CNTNAP2: variants seen among roughly 807,000 people sequenced by gnomAD.
The protein encoded by CNTNAP2 is contactin-associated protein-like 2.
A neutral mutation model predicts 155.2 loss-of-function variants in CNTNAP2; 98 were observed. The ratio of observed to expected loss-of-function variants is 0.63; its 90% confidence interval spans 0.54 to 0.75. The LOEUF (loss-of-function observed/expected upper bound fraction) is 0.75, where lower values mean the gene tolerates loss of function less well. Ranked by LOEUF, CNTNAP2 falls within the 30% of genes least tolerant of loss-of-function variation. CNTNAP2 has a pLI of 0.00. For missense variants in CNTNAP2, 1,727 were observed against 1,688.1 expected (o/e 1.02, Z -0.40); for synonymous variants, 651 against 631.2 (o/e 1.03, Z -0.47).
intron 15 of CNTNAP2, among the ~76,000 whole-genome samples, chr7:148,057,507 G>T (rs188647409): frequency 9.7e-4 from 148 of 152,298 alleles, no homozygotes; most frequent in Middle Eastern, 6.8e-3. Context: ...TTTAACCTGG[G>T]TTAGAATGCG....
chr7:148,216,702 T>A (rs6464857), intron 18 of CNTNAP2, among the ~76,000 whole-genome samples: 119,659 of 152,030 alleles, frequency 0.79, 47,335 homozygotes, highest in Admixed American at 0.85. Flanking sequence ...ATTTTACTAT[T>A]TTTTTAATTT....
At chr7:147,919,197 C>T (rs1800214568) in intron 14 of CNTNAP2, among the ~76,000 whole-genome samples, 1 of 152,032 alleles carries the variant, frequency 6.6e-6, no homozygotes, top group South Asian at 2.1e-4. Context: ...CAGAAAGGAA[C>T]ACAGCCCTGA....
At chr7:147,500,667 A>G (rs1798793388) in intron 11 of CNTNAP2, among the ~76,000 whole-genome samples, 1 of 152,190 alleles carries the variant, frequency 6.6e-6, no homozygotes, top group Non-Finnish European at 1.5e-5. Context: ...CTCTCAAATG[A>G]CTGTAAAGAT....
chr7:146,988,330 A>C (rs1798151479), intron 3 of CNTNAP2, among the ~76,000 whole-genome samples: 1 of 152,096 alleles, frequency 6.6e-6, no homozygotes, highest in Admixed American at 6.6e-5. Flanking sequence ...CATTGAATAT[A>C]AAAACAGGGT....
At chr7:148,005,212 A>G (rs542406938) in intron 15 of CNTNAP2, among the ~76,000 whole-genome samples, 4 of 152,270 alleles carry the variant, frequency 2.6e-5, no homozygotes, top group East Asian at 3.9e-4. Context: ...CAGTCTGCCA[A>G]CTTCTCCTTA....
chr7:146,529,660 T>G (rs1797739802), intron 1 of CNTNAP2, among the ~76,000 whole-genome samples: 1 of 152,082 alleles, frequency 6.6e-6, no homozygotes, highest in Admixed American at 6.6e-5. Context: ...GGCAGCATAC[T>G]GAACTGGCTA....
intron 11 of CNTNAP2, among the ~76,000 whole-genome samples, chr7:147,489,055 T>C (rs2116644514): frequency 6.6e-6 from 1 of 152,370 alleles, no homozygotes; most frequent in East Asian, 1.9e-4. Context: ...TAATTTAATG[T>C]CACCATACAT....
chr7:146,565,373 T>G (rs6948630), intron 1 of CNTNAP2, among the ~76,000 whole-genome samples: 4,603 of 152,242 alleles, frequency 0.03, 252 homozygotes, highest in African/African-American at 0.1. Flanking sequence ...CACCTGAAAG[T>G]ATATTCATAG....
chr7:147,737,128 T>C (rs7793153), intron 13 of CNTNAP2, among the ~76,000 whole-genome samples: 4,014 of 152,278 alleles, frequency 0.026, 184 homozygotes, highest in African/African-American at 0.09. Flanking sequence ...GTTTTTCTGC[T>C]CTGTTTTTTC....
chr7:147,404,057 G>T (rs757316037), intron 10 of CNTNAP2, among the ~76,000 whole-genome samples: 1 of 152,006 alleles, frequency 6.6e-6, no homozygotes, highest in Non-Finnish European at 1.5e-5. Context: ...GAAATATTTT[G>T]TCTTTTACCA....
chr7:147,304,580 A>T (rs927335304), intron 9 of CNTNAP2, among the ~76,000 whole-genome samples: 9 of 152,198 alleles, frequency 5.9e-5, no homozygotes, highest in African/African-American at 2.2e-4. Context: ...AGCCAGTCTT[A>T]CTGGAAGAGG....
intron 1 of CNTNAP2, among the ~76,000 whole-genome samples, chr7:146,757,628 G>C (rs1178864349): frequency 6.6e-6 from 1 of 152,108 alleles, no homozygotes; most frequent in Non-Finnish European, 1.5e-5. Flanking sequence ...ACTTGATCAA[G>C]AGAGTTGACA....
chr7:147,281,075 G>A (rs1325849589), intron 8 of CNTNAP2, among the ~76,000 whole-genome samples: 1 of 151,774 alleles, frequency 6.6e-6, no homozygotes, highest in East Asian at 1.9e-4. Flanking sequence ...TTTTCAAAAT[G>A]GGAAGTAACT....
intron 1 of CNTNAP2, among the ~76,000 whole-genome samples, chr7:146,222,645 T>G (rs1584810032): frequency 2.3e-5 from 3 of 128,986 alleles, no homozygotes; most frequent in South Asian, 2.7e-4. Flanking sequence ...AGGGTAGGGG[T>G]GGGAAAAGGT....
chr7:148,115,249 CT>C (rs1804443050), intron 15 of CNTNAP2, among the ~76,000 whole-genome samples: 1 of 152,226 alleles, frequency 6.6e-6, no homozygotes. Context: ...ATATTTCTGT[CT>C]GAATAACCAG....
chr7:146,272,346 G>T (rs1283815692), intron 1 of CNTNAP2, among the ~76,000 whole-genome samples: 1 of 152,126 alleles, frequency 6.6e-6, no homozygotes, highest in East Asian at 1.9e-4. Context: ...TCTCTCCAAT[G>T]GCACGTGGGG....
intron 1 of CNTNAP2, among the ~76,000 whole-genome samples, chr7:146,602,456 T>C (rs887895356): frequency 6.6e-6 from 1 of 152,214 alleles, no homozygotes; most frequent in Admixed American, 6.5e-5. Context: ...ATATTGCTTC[T>C]AAGTTTTCCA....
chr7:147,206,725 C>T lies in CNTNAP2; in HGVS notation c.1348+74216C>T, dbSNP rs541501020. On this transcript the variant is annotated intron_variant, in intron 8 of 23. Coordinates refer to ENST00000361727, the MANE Select transcript of CNTNAP2 (RefSeq NM_014141.6). ...TATATCAGAAACCTTAAAAAGATTCCTATTTTTTGACTCACTCATTTTTGT... is the reference window on the plus strand; with the variant it reads ...TATATCAGAAACCTTAAAAAGATTCTTATTTTTTGACTCACTCATTTTTGT... Among the ~76,000 whole-genome samples the T allele has an allele frequency of 3.2e-4, 49 of 152,198 alleles. No individual in the cohort carries two copies. In the South Asian group the frequency reaches 8.1e-3, roughly 25 times the overall value.
chr7:147,504,666 G>A (rs1383404374), intron 11 of CNTNAP2, among the ~76,000 whole-genome samples: 2 of 144,228 alleles, frequency 1.4e-5, no homozygotes, highest in Non-Finnish European at 3.0e-5. Flanking sequence ...GGGGTCCTGG[G>A]CGACAGAATG....
Sources: allele counts gnomAD v4.1 joint callset (sites outside exome capture counted in the v4.1 genomes callset), GRCh38; gene constraint gnomAD v4.1.1; transcripts MANE v1.5; gene names NCBI Gene and HGNC (gene_info 2026-07-23, HGNC 2026-07-21).